The following PSD3 variants were observed in gnomAD, a reference collection of about 807,000 sequenced individuals.
PSD3 encodes the protein PH and SEC7 domain-containing protein 3.
Under a neutral mutation model 105.5 loss-of-function variants are expected in PSD3, and 49 were observed. That is an observed-to-expected ratio of 0.46 (90% CI 0.37 to 0.59). The LOEUF (loss-of-function observed/expected upper bound fraction) is 0.59, where lower values mean the gene tolerates loss of function less well. PSD3 is among the 20% of genes least tolerant of loss of function. PSD3 has a pLI of 0.00. For synonymous variants in PSD3, 557 were observed against 457.8 expected (o/e 1.22, Z -2.77); for missense variants, 1,561 against 1,263.8 (o/e 1.24, Z -3.57).
intron 2 of PSD3, among the ~76,000 whole-genome samples, chr8:18,879,078 A>G (rs904814184): frequency 0.01 from 1,544 of 150,358 alleles, 9 homozygotes; most frequent in South Asian, 0.021. Flanking sequence ...ACACACACAC[A>G]CACACACACG....
intron 1 of PSD3, among the ~76,000 whole-genome samples, chr8:18,961,861 C>T (rs561338679): frequency 6.6e-6 from 1 of 152,284 alleles, no homozygotes; most frequent in African/African-American, 2.4e-5. Context: ...GCTTCCTCCA[C>T]TACATAGCAC....
intron 9 of PSD3, among the ~76,000 whole-genome samples, chr8:18,754,929 C>T (rs1377227232): frequency 6.6e-6 from 1 of 152,026 alleles, no homozygotes; most frequent in African/African-American, 2.4e-5. Context: ...GAATATTTGC[C>T]ATGGTAGTTC....
At chr8:18,690,482 G>T (rs1423464236) in intron 9 of PSD3, among the ~76,000 whole-genome samples, 1 of 152,056 alleles carries the variant, frequency 6.6e-6, no homozygotes, top group Non-Finnish European at 1.5e-5. Context: ...TACTTTTCTA[G>T]TCTAGGGATC....
At chr8:18,817,558 G>C (rs1812315602) in intron 4 of PSD3, among the ~76,000 whole-genome samples, 1 of 152,178 alleles carries the variant, frequency 6.6e-6, no homozygotes, top group Non-Finnish European at 1.5e-5. Flanking sequence ...CAAATTGCAA[G>C]AAGCTTAAAG....
chr8:18,638,483 T>G (rs1807428890), intron 10 of PSD3, among the ~76,000 whole-genome samples: 2 of 152,126 alleles, frequency 1.3e-5, no homozygotes. Context: ...GTAGCATTTT[T>G]GTACACTAAC....
At chr8:18,636,128 G>A (rs1254005532) in intron 10 of PSD3, among the ~76,000 whole-genome samples, 2 of 152,112 alleles carry the variant, frequency 1.3e-5, no homozygotes, top group Non-Finnish European at 2.9e-5. Context: ...CTTCCAGTGG[G>A]ACAATACATG....
At position 18,600,055 on chromosome 8, in the gene PSD3, CAG is replaced by C. The variant is rs548801285; in HGVS notation, c.2481+307_2481+308del. On this transcript the variant is annotated intron_variant, in intron 12 of 15. Coordinates refer to ENST00000327040, the MANE Select transcript of PSD3 (RefSeq NM_015310.4). ...GATAGCTGGACAGCTGATGTCATCA[CAG>C]AGATGTCTATTAAGTGATTAAAGGA... Among the ~76,000 whole-genome samples the C allele has an allele frequency of 5.3e-5, 8 of 152,234 alleles. No homozygotes were observed. The South Asian group carries it at 1.7e-3, about 32-fold the overall frequency.
chr8:18,825,065 A>G (rs1175344048), intron 4 of PSD3, among the ~76,000 whole-genome samples: 1 of 152,188 alleles, frequency 6.6e-6, no homozygotes, highest in Non-Finnish European at 1.5e-5. Flanking sequence ...TTGTACCTAA[A>G]CAGAATTTGA....
At chr8:18,882,312 C>T (rs1414421611) in intron 2 of PSD3, among the ~76,000 whole-genome samples, 3 of 152,174 alleles carry the variant, frequency 2.0e-5, no homozygotes, top group African/African-American at 7.2e-5. Context: ...CCAAGTCCTA[C>T]CCGTTGCTTC....
chr8:18,905,835 T>G (rs764844180), intron 2 of PSD3, among the ~76,000 whole-genome samples: 152 of 152,174 alleles, frequency 1.0e-3, no homozygotes, highest in Non-Finnish European at 1.8e-3. Flanking sequence ...TAAAATAATT[T>G]TTACCACTCC....
rs371933972 is a variant in PSD3 at position 18,872,546 on chromosome 8, A to T, written c.318T>A (p.Ser106Arg). 1.2e-5 allele frequency: 19 copies of T among 1,613,852 alleles called. No individual in the cohort carries two copies. The highest frequency in any genetic ancestry group is 1.6e-5 in the Non-Finnish European group (19 of 1,179,976). ...TGACATCTTTTGGTCCTTCTGTAACACTGTCGAGCCCAGAGTGGCAGCCAG... is the reference window on the plus strand; with the variant it reads ...TGACATCTTTTGGTCCTTCTGTAACTCTGTCGAGCCCAGAGTGGCAGCCAG... Reference protein sequence around the residue: ...PLTGCHSGLDSVTEGPKDVRE... With the variant: ...PLTGCHSGLDRVTEGPKDVRE... Residue 106 changes from serine to arginine, a missense_variant, in exon 3 of 16, where the codon AGT becomes AGA. Ser to Arg is a moderately radical substitution (Grantham distance 110). Transcript: ENST00000327040.
chr8:18,691,791 C>G (rs1800986719), intron 9 of PSD3, among the ~76,000 whole-genome samples: 1 of 152,108 alleles, frequency 6.6e-6, no homozygotes, highest in African/African-American at 2.4e-5. Flanking sequence ...ATAAAATGAT[C>G]AGAGATCCCT....
intron 9 of PSD3, among the ~76,000 whole-genome samples, chr8:18,708,440 A>G (rs1802031815): frequency 6.6e-6 from 1 of 152,116 alleles, no homozygotes; most frequent in Non-Finnish European, 1.5e-5. Flanking sequence ...TGAAAAAAAA[A>G]TTAGAAAATT....
At chr8:18,661,246 C>A (rs1218140419) in intron 9 of PSD3, among the ~76,000 whole-genome samples, 6 of 152,138 alleles carry the variant, frequency 3.9e-5, no homozygotes, top group African/African-American at 1.4e-4. Context: ...TTCAGTGAAA[C>A]TGACAGTGAC....
At chr8:18,599,689 T>G (rs1470430993) in intron 12 of PSD3, among the ~76,000 whole-genome samples, 1 of 152,144 alleles carries the variant, frequency 6.6e-6, no homozygotes, top group African/African-American at 2.4e-5. Context: ...AAATGAGGAC[T>G]AATAATATGG....
chr8:18,815,414 T>C (rs1286650977), intron 4 of PSD3, among the ~76,000 whole-genome samples: 1 of 152,122 alleles, frequency 6.6e-6, no homozygotes, highest in Non-Finnish European at 1.5e-5. Flanking sequence ...GTTCAAGCGA[T>C]TCTCCTGCCT....
intron 9 of PSD3, among the ~76,000 whole-genome samples, chr8:18,691,073 A>G (rs1298528414): frequency 1.3e-5 from 2 of 152,176 alleles, no homozygotes; most frequent in African/African-American, 4.8e-5. Flanking sequence ...GCAGCCTTCA[A>G]TCTTCCTGGA....
At chr8:18,705,362 T>C (rs559524036) in intron 9 of PSD3, among the ~76,000 whole-genome samples, 9 of 151,808 alleles carry the variant, frequency 5.9e-5, no homozygotes, top group Non-Finnish European at 1.2e-4. Flanking sequence ...AGACGGTGCC[T>C]ATACAAAAAA....
At chr8:18,832,595 G>A (rs1281646939) in intron 4 of PSD3, among the ~76,000 whole-genome samples, 1 of 152,180 alleles carries the variant, frequency 6.6e-6, no homozygotes, top group Non-Finnish European at 1.5e-5. Context: ...TGACTATTGT[G>A]TGTCAGACAT....
Sources: gnomAD v4.1 joint callset for allele counts (sites outside exome capture counted in the v4.1 genomes callset) on GRCh38, gnomAD v4.1.1 for gene constraint, MANE v1.5 for transcripts, NCBI Gene and HGNC (gene_info 2026-07-23, HGNC 2026-07-21) for gene names.